KCNMA1: variants seen among roughly 807,000 people sequenced by gnomAD.
The protein encoded by KCNMA1 is Calcium-activated potassium channel subunit alpha-1.
Under a neutral mutation model 140.0 loss-of-function variants are expected in KCNMA1, and 29 were observed. That is an observed-to-expected ratio of 0.21 (90% confidence interval 0.15 to 0.28). The LOEUF is 0.28. KCNMA1 is among the 10% of genes least tolerant of loss of function. The probability of loss-of-function intolerance (pLI) is 1.00; values close to 1 mark genes in which losing one functional copy is unlikely to be tolerated. For synonymous variants in KCNMA1, 612 were observed against 611.9 expected, an observed-to-expected ratio of 1.00 and a Z score of 0.00; for missense variants, 880 against 1,602.2, an observed-to-expected ratio of 0.55 and a Z score of 7.70.
At chr10:77,434,149 G>C (rs2097207385) in intron 1 of KCNMA1, among the ~76,000 whole-genome samples, 1 of 152,198 alleles carries the variant, frequency 6.6e-6, no homozygotes, top group African/African-American at 2.4e-5. Context: ...CTAACTACAA[G>C]CTCAGGCCAG....
intron 20 of KCNMA1, among the ~76,000 whole-genome samples, chr10:76,958,455 A>G (rs957873604): frequency 2.0e-5 from 3 of 152,232 alleles, no homozygotes; most frequent in African/African-American, 7.2e-5. Context: ...GATGTGAGAT[A>G]TATCTGCTGT....
intron 2 of KCNMA1, among the ~76,000 whole-genome samples, chr10:77,294,495 C>T (rs2074323759): frequency 1.3e-5 from 2 of 152,324 alleles, no homozygotes; most frequent in Non-Finnish European, 2.9e-5. Context: ...TTAAGGTGCA[C>T]ATAACCTGGG....
At chr10:77,275,778 G>C (rs528369800) in intron 2 of KCNMA1, among the ~76,000 whole-genome samples, 1 of 152,316 alleles carries the variant, frequency 6.6e-6, no homozygotes, top group Admixed American at 6.5e-5. Context: ...TAGATGAGAG[G>C]AGCACAGGAC....
At chr10:77,193,361 CAG>C (rs1442779747) in intron 3 of KCNMA1, among the ~76,000 whole-genome samples, 1 of 152,186 alleles carries the variant, frequency 6.6e-6, no homozygotes, top group Non-Finnish European at 1.5e-5. Flanking sequence ...CTACATAAAA[CAG>C]AGTCTTTCCA....
chr10:77,318,612 C>A (rs537041836), intron 2 of KCNMA1, among the ~76,000 whole-genome samples: 7 of 152,188 alleles, frequency 4.6e-5, no homozygotes, highest in Non-Finnish European at 8.8e-5. Context: ...ACCTGGTAGG[C>A]ACCCTTTCAA....
At chr10:77,438,428 T>C (rs986239152) in intron 1 of KCNMA1, among the ~76,000 whole-genome samples, 5 of 152,010 alleles carry the variant, frequency 3.3e-5, no homozygotes, top group African/African-American at 7.3e-5. Flanking sequence ...CCGGGCGTGG[T>C]GGTGCATGCC....
At chr10:77,065,599 C>A (rs2095905468) in intron 14 of KCNMA1, among the ~76,000 whole-genome samples, 1 of 151,982 alleles carries the variant, frequency 6.6e-6, no homozygotes, top group African/African-American at 2.4e-5. Context: ...TGTCAATTCT[C>A]CCAAGAGAAT....
At chr10:77,387,415 G>T (rs1485532801) in intron 2 of KCNMA1, among the ~76,000 whole-genome samples, 2 of 152,068 alleles carry the variant, frequency 1.3e-5, no homozygotes, top group African/African-American at 4.8e-5. Flanking sequence ...CACACATAAT[G>T]TAAACTTTAG....
At chr10:77,290,984 C>T (rs1214685490) in intron 2 of KCNMA1, among the ~76,000 whole-genome samples, 1 of 152,188 alleles carries the variant, frequency 6.6e-6, no homozygotes, top group Non-Finnish European at 1.5e-5. Flanking sequence ...AGACATGCAG[C>T]ATTCTTGACA....
intron 1 of KCNMA1, among the ~76,000 whole-genome samples, chr10:77,523,203 G>GCC (rs10623337): frequency 0.064 from 9,124 of 142,318 alleles, 470 homozygotes; most frequent in African/African-American, 0.13. Flanking sequence ...CCTTGGACGT[G>GCC]CCCCCCCCCC....
intron 1 of KCNMA1, among the ~76,000 whole-genome samples, chr10:77,589,620 C>A (rs11002213): frequency 6.6e-6 from 1 of 152,110 alleles, no homozygotes; most frequent in East Asian, 1.9e-4. Context: ...GCCGCAGACC[C>A]TCGCGGTGAG....
chr10:77,431,730 G>A (rs767641823), intron 1 of KCNMA1, among the ~76,000 whole-genome samples: 47 of 148,896 alleles, frequency 3.2e-4, no homozygotes, highest in Non-Finnish European at 6.6e-4. Context: ...GGGAGCGGTG[G>A]CTCACGCCTG....
At chr10:77,041,482 G>A (rs1413650922) in intron 14 of KCNMA1, among the ~76,000 whole-genome samples, 6 of 149,852 alleles carry the variant, frequency 4.0e-5, no homozygotes, top group African/African-American at 1.2e-4. Flanking sequence ...TGTATTTTTG[G>A]TAGAGACAGG....
chr10:76,977,780 G>A (rs1035159825), intron 19 of KCNMA1: 14 of 602,902 alleles, frequency 2.3e-5, no homozygotes, highest in Admixed American at 1.9e-4. Flanking sequence ...CTGCTGGTCC[G>A]CTCGTGTTTG....
intron 5 of KCNMA1, among the ~76,000 whole-genome samples, chr10:77,173,027 G>A (rs940995425): frequency 6.6e-6 from 1 of 152,056 alleles, no homozygotes; most frequent in Non-Finnish European, 1.5e-5. Flanking sequence ...TCTCCAACAC[G>A]ACGGCATTGG....
intron 1 of KCNMA1, among the ~76,000 whole-genome samples, chr10:77,551,664 T>G (rs1038411898): frequency 1.3e-5 from 2 of 152,202 alleles, no homozygotes; most frequent in Non-Finnish European, 2.9e-5. Flanking sequence ...AGCACAATGA[T>G]GCTTCAAAAT....
chr10:77,359,276 C>T (rs543859293), intron 2 of KCNMA1, among the ~76,000 whole-genome samples: 7 of 152,200 alleles, frequency 4.6e-5, no homozygotes, highest in African/African-American at 9.6e-5. Context: ...AAGGTTTGTC[C>T]GCCAGGAAGA....
intron 19 of KCNMA1, among the ~76,000 whole-genome samples, chr10:76,987,489 C>T (rs1214217904): frequency 1.3e-5 from 2 of 152,184 alleles, no homozygotes; most frequent in African/African-American, 4.8e-5. Context: ...GTTACAATTA[C>T]TCAGCTTTGC....
chr10:77,400,993 C>T (rs1449849357), intron 2 of KCNMA1, among the ~76,000 whole-genome samples: 6 of 151,820 alleles, frequency 4.0e-5, no homozygotes. Context: ...CATCAGGAAT[C>T]TGCTCCCATG....
Sources: gnomAD v4.1 joint callset for allele counts (sites outside exome capture counted in the v4.1 genomes callset) on GRCh38, gnomAD v4.1.1 for gene constraint, MANE v1.5 for transcripts, NCBI Gene and HGNC (gene_info 2026-07-23, HGNC 2026-07-21) for gene names.